HNRNPL: variants seen among roughly 807,000 people sequenced by gnomAD.
HNRNPL encodes the protein heterogeneous nuclear ribonucleoprotein L.
Under a neutral mutation model 64.0 loss-of-function variants are expected in HNRNPL, and 12 were observed. The ratio of observed to expected loss-of-function variants is 0.19; its 90% CI spans 0.12 to 0.30. The LOEUF is 0.30. HNRNPL is among the 10% of genes least tolerant of loss of function. The pLI is 1.00. For missense variants in HNRNPL, 484 were observed against 797.4 expected (o/e 0.61, Z 4.73); for synonymous variants, 385 against 313.0 (o/e 1.23, Z -2.43).
upstream of HNRNPL, among the ~76,000 whole-genome samples, chr19:38,850,675 C>T (rs891709045): frequency 1.3e-5 from 2 of 152,226 alleles, no homozygotes; most frequent in Non-Finnish European, 2.9e-5. Context: ...TGTGTGTGCG[C>T]CGGAAGGCTA....
At position 38,836,646 on chromosome 19, in the gene HNRNPL, A is replaced by G. The variant is rs576507653; in HGVS notation, c.*76T>C. ...AAAAGGAATACAAGATCTTTTGCAA[A>G]TAACAAAAACAAAAAATGGCATAAA... On this transcript the variant is annotated 3_prime_UTR_variant, in exon 13 of 13. Transcript: ENST00000221419. 25 of 966,064 alleles carry G rather than the reference A, an allele frequency of 2.6e-5. No individual in the cohort carries two copies. The African/African-American group carries it at 2.8e-4, about 11-fold the overall frequency. The allele number at this position is 966,064 out of a possible 1,614,324, so 59.8% of individuals were successfully genotyped here. A position where few individuals can be genotyped will look rare whatever the true frequency, so the allele number is the denominator to read the frequency against.
chr19:38,837,327 A>G, intron 12 of HNRNPL, 57 bp downstream of exon 12: 2 of 1,403,808 alleles, frequency 1.4e-6, no homozygotes, highest in Non-Finnish European at 2.0e-6. Context: ...CCTGGCCTGA[A>G]GCCAGCCAAC....
At position 38,849,857 on chromosome 19, in the gene HNRNPL, G is replaced by C. The variant is rs761556810; in HGVS notation, c.110C>G (p.Ala37Gly). ...RRSGAMVKMA[A>G]AGGGGGGGRY... ...GCCACCGCCGCCTCCGCCGCCCGCC[G>C]CCGCCATCTTCACCATCGCTCCCGA... Residue 37 changes from alanine to glycine, a missense_variant, in exon 1 of 13, where the codon GCG becomes GGG. Around this residue, in one of 9 missense-constraint regions of HNRNPL, gnomAD observed 190 missense variants for 160.1 expected, o/e 1.19. Transcript: ENST00000221419. 2 of 1,214,716 alleles carry C rather than the reference G, an allele frequency of 1.6e-6. No homozygotes were observed. The highest frequency in any genetic ancestry group is 2.3e-6 in the Non-Finnish European group (2 of 862,826). The allele number at this position is 1,214,716 out of a possible 1,614,324, so 75.2% of individuals were successfully genotyped here. A position where few individuals can be genotyped will look rare whatever the true frequency, so the allele number is the denominator to read the frequency against.
Position 38,845,640 on chromosome 19 carries a change from C to G in HNRNPL, c.710+10G>C, listed in dbSNP as rs114916762. ...ACCCTAAGGAACACCTGTTTTCCAG[C>G]AAAGGATATTCCACCATCGCCTGAA... On this transcript the variant is annotated intron_variant, in intron 4 of 12. Transcript: ENST00000221419. 1.7e-3 allele frequency: 2,797 copies of G among 1,607,742 alleles called. 47 individuals carry two copies. In the African/African-American group the frequency reaches 0.034, roughly 19 times the overall value.
intron 8 of HNRNPL, among the ~76,000 whole-genome samples, chr19:38,839,877 A>T (rs959619826): frequency 6.6e-6 from 1 of 152,210 alleles, no homozygotes; most frequent in African/African-American, 2.4e-5. Flanking sequence ...TTATGTGATA[A>T]AATCTTTTTT....
upstream of HNRNPL, chr19:38,850,042 AG>A (rs1335352642): frequency 4.0e-6 from 5 of 1,237,070 alleles, no homozygotes; most frequent in Non-Finnish European, 5.2e-6. Context: ...CCCACCCGAT[AG>A]GGGGAGCCAC....
intron 12 of HNRNPL, 133 bp from the exon 13 acceptor site, chr19:38,836,913 G>A (rs977640584): frequency 2.1e-5 from 13 of 620,520 alleles, no homozygotes; most frequent in Non-Finnish European, 2.9e-5. Context: ...TGCCCAACGT[G>A]AGGCTTCAAG....
At chr19:38,844,340 C>T (rs1428644772) in intron 4 of HNRNPL, among the ~76,000 whole-genome samples, 4 of 152,128 alleles carry the variant, frequency 2.6e-5, no homozygotes, top group Non-Finnish European at 4.4e-5. Flanking sequence ...ATCTGCACCC[C>T]GACCCATGGC....
intron 8 of HNRNPL, 92 bp from the exon 9 acceptor site, chr19:38,839,107 T>C: frequency 3.4e-6 from 5 of 1,488,250 alleles, no homozygotes; most frequent in Non-Finnish European, 3.7e-6. Context: ...ACCCCTGCTC[T>C]GGCCTCCCAT....
intron 6 of HNRNPL, 165 bp from the exon 7 acceptor site, chr19:38,840,724 G>A: frequency 1.6e-6 from 1 of 641,138 alleles, no homozygotes. Context: ...CGGCGGGCAT[G>A]AAGCCCGAGC....
At position 38,836,745 on chromosome 19, in the gene HNRNPL, A is replaced by C. The variant is rs773159276; in HGVS notation, c.1747T>G (p.Ser583Ala). 1.2e-6 allele frequency: 2 copies of C among 1,613,286 alleles called. No individual in the cohort carries two copies. Among genetic ancestry groups the C allele is most frequent in the Non-Finnish European group, 1.7e-6 (2 of 1,179,540 alleles). The change falls in exon 13 of 13, where the codon TCC becomes GCC. Residue 583 changes from serine to alanine, a missense_variant. Ser to Ala is a moderately conservative substitution (Grantham distance 99, BLOSUM62 1). This residue lies in a region of HNRNPL where 69 missense variants were observed against 91.8 expected (regional missense o/e 0.75). Transcript: ENST00000221419. ...AATTAGGAGGCGTGCTGAGCAGTGG[A>C]GAAACACAACTTCAGAGTGTAAGGG... ...PYPYTLKLCF[S>A]TAQHAS is the part of the protein sequence containing the mutation.
chr19:38,847,855 T>C (rs182192196), intron 1 of HNRNPL, among the ~76,000 whole-genome samples: 33 of 152,288 alleles, frequency 2.2e-4, no homozygotes, highest in Admixed American at 5.9e-4. Flanking sequence ...GACATCCCCT[T>C]TGCATGTGCC....
upstream of HNRNPL, among the ~76,000 whole-genome samples, chr19:38,850,706 C>T (rs1321195698): frequency 3.3e-5 from 5 of 152,328 alleles, no homozygotes; most frequent in South Asian, 8.3e-4. Context: ...GACAGGAACT[C>T]CCAGGGTATC....
chr19:38,841,470 AG>A, intron 6 of HNRNPL: 1 of 417,668 alleles, frequency 2.4e-6, no homozygotes, highest in South Asian at 1.8e-5. Context: ...TCCAAAACCC[AG>A]GGCTCGAAAC....
At position 38,847,563 on chromosome 19, in the gene HNRNPL, G is replaced by A. The variant is rs1241766707; in HGVS notation, c.268-129C>T. The A allele has an allele frequency of 8.3e-6, 4 of 481,020 alleles. No individual in the cohort carries two copies. In the South Asian group the frequency reaches 1.6e-4, roughly 19 times the overall value. The allele number at this position is 481,020 out of a possible 1,614,324, so 29.8% of individuals were successfully genotyped here. On this transcript the variant is annotated intron_variant, in intron 1 of 12. Coordinates refer to ENST00000221419, the MANE Select transcript of HNRNPL (RefSeq NM_001533.3). ...TCATCCGTGAAGGATGCACAGGAAA[G>A]ACTAGGGGCAGCAATTGAAGCCAAT...
rs980678881 is a variant in HNRNPL at position 38,838,724 on chromosome 19, G to A, written c.1356-126C>T. The A allele has an allele frequency of 4.6e-6, 6 of 1,292,894 alleles. No homozygotes were observed. The African/African-American group carries it at 5.8e-5, about 13-fold the overall frequency. 80.1% of individuals were successfully genotyped at this position (1,292,894 alleles called of 1,614,324 possible). On this transcript the variant is annotated intron_variant, in intron 9 of 12. Transcript: ENST00000221419. ...GGCATTGCTCTACACCTGAGGCAAG[G>A]CTGACTCACTTTCTCCTGTGGTGTC...
At chr19:38,844,292 G>A (rs1280700200) in intron 4 of HNRNPL, among the ~76,000 whole-genome samples, 188 bp from the exon 5 acceptor site, 8 of 152,150 alleles carry the variant, frequency 5.3e-5, no homozygotes, top group Non-Finnish European at 1.5e-5. Flanking sequence ...ACTCAACGCT[G>A]CCCCGGGTGA....
At chr19:38,846,122 C>T (rs1972285197) in intron 2 of HNRNPL, 32 bp from the exon 3 acceptor site, 1 of 1,507,338 alleles carries the variant, frequency 6.6e-7, no homozygotes, top group Non-Finnish European at 9.2e-7. Flanking sequence ...TCAATCCTCT[C>T]AGGAAAATGT....
chr19:38,839,754 G>A, intron 8 of HNRNPL: 1 of 252,062 alleles, frequency 4.0e-6, no homozygotes, highest in Non-Finnish European at 7.7e-6. Context: ...AAGGCCCGGT[G>A]TTGCCAGGTC....
Sources: allele counts gnomAD v4.1 joint callset (sites outside exome capture counted in the v4.1 genomes callset), GRCh38; gene constraint gnomAD v4.1.1; regional missense constraint gnomAD v4.1.1; transcripts MANE v1.5; gene names NCBI Gene and HGNC (gene_info 2026-07-23, HGNC 2026-07-21).